The following TMEM132D variants were observed in gnomAD, a reference collection of about 807,000 sequenced individuals.
TMEM132D encodes transmembrane protein 132D, also known as mature OL transmembrane protein.
TMEM132D carries 21 observed loss-of-function variants against 62.3 expected under a neutral mutation model. The ratio of observed to expected loss-of-function variants is 0.34; its 90% CI spans 0.24 to 0.49. The LOEUF (loss-of-function observed/expected upper bound fraction) is 0.49. Ranked by LOEUF, TMEM132D falls within the 20% of genes least tolerant of loss-of-function variation. The pLI, the probability that TMEM132D is intolerant of heterozygous loss-of-function variation, is 0.99. For synonymous variants in TMEM132D, 621 were observed against 575.6 expected (o/e 1.08, Z -1.13); for missense variants, 1,346 against 1,402.8 (o/e 0.96, Z 0.65).
chr12:129,720,655 T>G (rs1430770767), intron 1 of TMEM132D, among the ~76,000 whole-genome samples: 1 of 152,060 alleles, frequency 6.6e-6, no homozygotes, highest in Non-Finnish European at 1.5e-5. Flanking sequence ...ATGTACCTCC[T>G]ACATTAGACC....
intron 1 of TMEM132D, among the ~76,000 whole-genome samples, chr12:129,768,369 T>A (rs1870623370): frequency 6.6e-6 from 1 of 152,116 alleles, no homozygotes; most frequent in South Asian, 2.1e-4. Context: ...TCACATGTTC[T>A]CTTTTCTTGA....
At chr12:129,642,810 TA>T (rs1879673674) in intron 2 of TMEM132D, among the ~76,000 whole-genome samples, 1 of 152,110 alleles carries the variant, frequency 6.6e-6, no homozygotes, top group African/African-American at 2.4e-5. Flanking sequence ...GGTCTATCTT[TA>T]CCTCCTGTCT....
chr12:129,487,036 G>A lies in TMEM132D; in HGVS notation c.1115+44023C>T, dbSNP rs545805011. On this transcript the variant is annotated intron_variant, in intron 3 of 8. Coordinates refer to ENST00000422113, the MANE Select transcript of TMEM132D (RefSeq NM_133448.3). ...TGTCTGCGAATGTTTGCGTATGGGGGGGGGGGTTGTGGGTGTAGCTGTGTG... is the reference window on the plus strand; with the variant it reads ...TGTCTGCGAATGTTTGCGTATGGGGAGGGGGGTTGTGGGTGTAGCTGTGTG... Among the ~76,000 whole-genome samples the A allele has an allele frequency of 7.0e-3, 1,070 of 152,078 alleles. 30 individuals carry two copies. Among genetic ancestry groups the A allele is most frequent in the South Asian group, 0.059 (284 of 4,810 alleles).
intron 4 of TMEM132D, among the ~76,000 whole-genome samples, chr12:129,328,391 C>A (rs35557352): frequency 0.022 from 3,406 of 152,276 alleles, 54 homozygotes; most frequent in Non-Finnish European, 0.035. Context: ...TACATCATAG[C>A]TTATTTGTTC....
At chr12:129,530,990 GA>G (rs71082733) in intron 3 of TMEM132D, 68 bp downstream of exon 3, 21,992 of 1,258,684 alleles carry the variant, frequency 0.017, 3 homozygotes, top group South Asian at 0.036. Flanking sequence ...AGCAATCTAG[GA>G]AAAAAAAAAA....
rs370813844 is a variant in TMEM132D, at chr12:129,078,669, G to A, written c.1980C>T (p.Asp660=). Residue 660 remains aspartate, a synonymous_variant, in exon 8 of 9, where the codon GAC becomes GAT. Transcript: ENST00000422113. ...ILAEKTITVL[D]EKVTITDLGV... ...CGAGGTCTGTGATGGTCACCTTCTC[G>A]TCCAGCACAGTGATGGTCTTTTCAG... The A allele has an allele frequency of 7.7e-5, 124 of 1,614,068 alleles. No individual in the cohort carries two copies. Among genetic ancestry groups the A allele is most frequent in the East Asian group, 1.6e-4 (7 of 44,888 alleles).
rs1471143718 is a variant in TMEM132D at position 129,090,737 on chromosome 12, T to G, written c.1444-6035A>C. Among the ~76,000 whole-genome samples, 5 of 152,128 alleles carry G rather than the reference T, an allele frequency of 3.3e-5. No individual in the cohort carries two copies. The East Asian group carries it at 9.7e-4, about 29-fold the overall frequency. The stretch of plus-strand genomic sequence containing the variant: ...AGAAAATTGAGCCAACATTCAAAAC[T>G]TTGATGATTTCAACTTAGAAATTTA... On this transcript the variant is annotated intron_variant, in intron 5 of 8. Transcript: ENST00000422113.
intron 4 of TMEM132D, among the ~76,000 whole-genome samples, chr12:129,319,062 G>A (rs1868587445): frequency 1.3e-5 from 2 of 152,170 alleles, no homozygotes; most frequent in Admixed American, 1.3e-4. Flanking sequence ...GGAAAAAAAG[G>A]TCTTGGTTCT....
At chr12:129,731,724 A>G (rs1869245812) in intron 1 of TMEM132D, among the ~76,000 whole-genome samples, 1 of 151,652 alleles carries the variant, frequency 6.6e-6, no homozygotes, top group Non-Finnish European at 1.5e-5. Flanking sequence ...GTGCAGTGGC[A>G]CTATCTTGGC....
chr12:129,766,279 A>T (rs1441851042), intron 1 of TMEM132D, among the ~76,000 whole-genome samples: 2 of 152,250 alleles, frequency 1.3e-5, no homozygotes, highest in African/African-American at 4.8e-5. Context: ...TATACTCACT[A>T]GAATCCATTC....
At chr12:129,130,344 C>T (rs1203185881) in intron 5 of TMEM132D, among the ~76,000 whole-genome samples, 1 of 151,874 alleles carries the variant, frequency 6.6e-6, no homozygotes, top group African/African-American at 2.4e-5. Flanking sequence ...GACCCCCCCG[C>T]CCGCCACAGG....
intron 3 of TMEM132D, among the ~76,000 whole-genome samples, chr12:129,372,946 C>T (rs1390657362): frequency 2.0e-5 from 3 of 152,118 alleles, no homozygotes; most frequent in Admixed American, 6.5e-5. Context: ...AAACTGGTTC[C>T]TGGTGCGGTT....
chr12:129,901,796 C>T (rs1338099355), intron 1 of TMEM132D, among the ~76,000 whole-genome samples: 4 of 152,064 alleles, frequency 2.6e-5, no homozygotes, highest in African/African-American at 9.6e-5. Context: ...TTTCTTAATA[C>T]AACCTTGTTA....
intron 3 of TMEM132D, among the ~76,000 whole-genome samples, chr12:129,481,463 CAA>C (rs60589482): frequency 0.42 from 42,937 of 102,620 alleles, 7,280 homozygotes; most frequent in African/African-American, 0.57. Flanking sequence ...ACCCTGTCTC[CAA>C]AAAAAAAAAA....
At chr12:129,708,874 T>C (rs1677355219) in intron 1 of TMEM132D, among the ~76,000 whole-genome samples, 1 of 152,074 alleles carries the variant, frequency 6.6e-6, no homozygotes, top group African/African-American at 2.4e-5. Flanking sequence ...AGACAGTACA[T>C]ACCTAGATGG....
intron 1 of TMEM132D, among the ~76,000 whole-genome samples, chr12:129,781,381 C>T (rs115318227): frequency 0.013 from 1,935 of 152,132 alleles, 36 homozygotes; most frequent in African/African-American, 0.044. Context: ...TTTCTCAGTA[C>T]GTTAATCGGG....
intron 2 of TMEM132D, among the ~76,000 whole-genome samples, chr12:129,546,628 C>T (rs1004620314): frequency 1.3e-5 from 2 of 151,800 alleles, no homozygotes; most frequent in Admixed American, 6.6e-5. Flanking sequence ...GGTGAAACCC[C>T]GTCTCTACTA....
At chr12:129,843,169 T>TAGAGCCCAC (rs1873252068) in intron 1 of TMEM132D, among the ~76,000 whole-genome samples, 1 of 152,166 alleles carries the variant, frequency 6.6e-6, no homozygotes, top group Non-Finnish European at 1.5e-5. Context: ...TACTTGCCCA[T>TAGAGCCCAC]AGAGCCCACT....
intron 1 of TMEM132D, among the ~76,000 whole-genome samples, chr12:129,888,217 G>A (rs1433787605): frequency 6.6e-6 from 1 of 152,022 alleles, no homozygotes; most frequent in Non-Finnish European, 1.5e-5. Context: ...TCTAATTAAG[G>A]ACTCTGAAAA....
Sources: allele counts gnomAD v4.1 joint callset (sites outside exome capture counted in the v4.1 genomes callset), GRCh38; gene constraint gnomAD v4.1.1; transcripts MANE v1.5; gene names NCBI Gene and HGNC (gene_info 2026-07-23, HGNC 2026-07-21).